PRKCA: variants seen among roughly 807,000 people sequenced by gnomAD.
The protein encoded by PRKCA is protein kinase C alpha, also known as protein kinase C alpha type.
A neutral mutation model predicts 87.0 loss-of-function variants in PRKCA; 27 were observed. That is an observed-to-expected ratio of 0.31 (90% CI 0.23 to 0.43). The LOEUF is 0.43. PRKCA is among the 20% of genes least tolerant of loss of function. The pLI is 1.00. For synonymous variants in PRKCA, 329 were observed against 311.1 expected (o/e 1.06, Z -0.61); for missense variants, 518 against 852.3 (o/e 0.61, Z 4.88).
chr17:66,438,416 A>C (rs1913530831), intron 2 of PRKCA, among the ~76,000 whole-genome samples: 1 of 152,122 alleles, frequency 6.6e-6, no homozygotes, highest in Non-Finnish European at 1.5e-5. Context: ...TGGGAGCCCA[A>C]ACCTGTGAAC....
At chr17:66,457,274 A>G (rs952160599) in intron 2 of PRKCA, among the ~76,000 whole-genome samples, 5 of 152,064 alleles carry the variant, frequency 3.3e-5, no homozygotes, top group African/African-American at 1.2e-4. Context: ...TTTTACCTCT[A>G]CTGAAGGTAG....
At chr17:66,516,384 G>C (rs528401805) in intron 3 of PRKCA, among the ~76,000 whole-genome samples, 15 of 152,284 alleles carry the variant, frequency 9.9e-5, no homozygotes, top group African/African-American at 3.4e-4. Flanking sequence ...TGCAATCCCA[G>C]CACTTTGGAA....
intron 2 of PRKCA, among the ~76,000 whole-genome samples, chr17:66,492,408 A>T (rs780103265): frequency 6.6e-6 from 1 of 152,218 alleles, no homozygotes; most frequent in African/African-American, 2.4e-5. Flanking sequence ...CCTGCAAATC[A>T]TAGACAGAAA....
Position 66,805,401 on chromosome 17 carries a change from A to T in PRKCA, c.*1364A>T, listed in dbSNP as rs1976009035. The T allele has an allele frequency of 6.5e-6, 1 of 154,598 alleles. No homozygotes were observed. Among genetic ancestry groups the T allele is most frequent in the Non-Finnish European group, 1.4e-5 (1 of 69,864 alleles). 9.6% of individuals were successfully genotyped at this position (154,598 alleles called of 1,614,324 possible). A position where few individuals can be genotyped will look rare whatever the true frequency, so the allele number is the denominator to read the frequency against. ...AGACACAATTGTGCTCTATTTGTGC[A>T]GGTTCTTGTTTCTAATCCTCTTTTC... is the stretch of plus-strand genomic sequence containing the variant. On this transcript the variant is annotated 3_prime_UTR_variant, in exon 17 of 17. Transcript: ENST00000413366.
intron 2 of PRKCA, among the ~76,000 whole-genome samples, chr17:66,392,829 T>C (rs1692517941): frequency 6.6e-6 from 1 of 152,168 alleles, no homozygotes; most frequent in African/African-American, 2.4e-5. Flanking sequence ...ACTTCAGCTT[T>C]TTCTACCATA....
At chr17:66,671,186 A>C (rs1972169322) in intron 5 of PRKCA, among the ~76,000 whole-genome samples, 1 of 138,850 alleles carries the variant, frequency 7.2e-6, no homozygotes, top group Non-Finnish European at 1.5e-5. Context: ...ACACCAGCCC[A>C]GGAGACAGTG....
chr17:66,758,500 T>C (rs1297584077), intron 13 of PRKCA, among the ~76,000 whole-genome samples: 1 of 152,206 alleles, frequency 6.6e-6, no homozygotes, highest in African/African-American at 2.4e-5. Context: ...CTGCCAAGGC[T>C]GAGTGGTTGA....
rs144146742 is a variant in PRKCA at position 66,675,963 on chromosome 17, T to C, written c.530-11148T>C. Among the ~76,000 whole-genome samples, 371 of 152,238 alleles carry C rather than the reference T, an allele frequency of 2.4e-3. 2 individuals carry two copies. The highest frequency in any genetic ancestry group is 8.5e-3 in the African/African-American group (355 of 41,536). ...CAGAGCCCCTAAACCCCTTGCCTTATTGCTAGACAGCTTGACCGCCCCCGG... is the reference window on the plus strand; with the variant it reads ...CAGAGCCCCTAAACCCCTTGCCTTACTGCTAGACAGCTTGACCGCCCCCGG... On this transcript the variant is annotated intron_variant, in intron 5 of 16. Transcript: ENST00000413366.
intron 2 of PRKCA, among the ~76,000 whole-genome samples, chr17:66,365,089 A>G (rs1340390069): frequency 6.6e-6 from 1 of 152,210 alleles, no homozygotes; most frequent in African/African-American, 2.4e-5. Flanking sequence ...GGGACTTCAC[A>G]TTGTAAAAGC....
intron 2 of PRKCA, among the ~76,000 whole-genome samples, chr17:66,320,661 C>T (rs542934768): frequency 3.3e-5 from 5 of 152,274 alleles, no homozygotes; most frequent in South Asian, 2.1e-4. Context: ...TGACCGTTCA[C>T]GAAATTGTAT....
intron 3 of PRKCA, among the ~76,000 whole-genome samples, chr17:66,635,968 A>T (rs1357755948): frequency 1.3e-5 from 2 of 152,152 alleles, no homozygotes; most frequent in Admixed American, 1.3e-4. Context: ...TTAAAAAAAA[A>T]AGAATTAAAG....
At position 66,630,843 on chromosome 17, in the gene PRKCA, A is replaced by G. The variant is rs143112510; in HGVS notation, c.289-10512A>G. On this transcript the variant is annotated intron_variant, in intron 3 of 16. Transcript: ENST00000413366. ...CTAACCCATCCTGTGGCTCTTTACCAAATAATATAAAATGGCAGTAGATAC... is the reference window on the plus strand; with the variant it reads ...CTAACCCATCCTGTGGCTCTTTACCGAATAATATAAAATGGCAGTAGATAC... 5.5e-3 allele frequency among the ~76,000 whole-genome samples: 839 copies of G among 152,294 alleles called. 11 individuals carry two copies. The highest frequency in any genetic ancestry group is 0.017 in the African/African-American group (720 of 41,572).
intron 8 of PRKCA, among the ~76,000 whole-genome samples, chr17:66,726,325 C>T (rs953468000): frequency 1.1e-4 from 17 of 152,126 alleles, no homozygotes; most frequent in South Asian, 2.1e-4. Context: ...GGGGCCCTGT[C>T]TGCTGCAGGT....
intron 2 of PRKCA, among the ~76,000 whole-genome samples, chr17:66,330,021 T>C (rs1567774556): frequency 1.3e-5 from 2 of 152,114 alleles, no homozygotes; most frequent in South Asian, 2.1e-4. Flanking sequence ...ACTGAGCTGG[T>C]CTTACTCAAC....
intron 3 of PRKCA, among the ~76,000 whole-genome samples, chr17:66,545,103 A>G (rs952656881): frequency 2.6e-5 from 4 of 152,272 alleles, no homozygotes; most frequent in African/African-American, 7.2e-5. Context: ...CAAAAATGTT[A>G]TTTCTACTTG....
chr17:66,588,334 CT>C (rs1475250471), intron 3 of PRKCA, among the ~76,000 whole-genome samples: 3 of 152,052 alleles, frequency 2.0e-5, no homozygotes, highest in African/African-American at 7.2e-5. Context: ...AGAGGTGATG[CT>C]TTACTCACTG....
chr17:66,460,281 C>A (rs1010185391), intron 2 of PRKCA, among the ~76,000 whole-genome samples: 1 of 152,014 alleles, frequency 6.6e-6, no homozygotes, highest in Non-Finnish European at 1.5e-5. Flanking sequence ...TGGCTGAAGT[C>A]GTGGTTCTTA....
chr17:66,461,782 A>G (rs1914863701), intron 2 of PRKCA, among the ~76,000 whole-genome samples: 2 of 152,166 alleles, frequency 1.3e-5, no homozygotes, highest in African/African-American at 4.8e-5. Flanking sequence ...ATGGTGGCCC[A>G]TGAGTTAATT....
At chr17:66,789,222 C>T (rs530939908) in intron 16 of PRKCA, among the ~76,000 whole-genome samples, 11 of 152,326 alleles carry the variant, frequency 7.2e-5, no homozygotes, top group African/African-American at 2.6e-4. Flanking sequence ...CATCCTCCAG[C>T]TGGACAGCTG....
Sources: gnomAD v4.1 joint callset for allele counts (sites outside exome capture counted in the v4.1 genomes callset) on GRCh38, gnomAD v4.1.1 for gene constraint, MANE v1.5 for transcripts, NCBI Gene and HGNC (gene_info 2026-07-23, HGNC 2026-07-21) for gene names.